CPQ: variants seen among roughly 807,000 people sequenced by gnomAD.
The protein encoded by CPQ is Ser-Met dipeptidase.
A neutral mutation model predicts 45.7 loss-of-function variants in CPQ; 37 were observed. The observed-to-expected ratio is 0.81, with a 90% CI of 0.62 to 1.07. The LOEUF (loss-of-function observed/expected upper bound fraction) is 1.07, where lower values mean the gene tolerates loss of function less well. Among genes scored for constraint, CPQ ranks in the 50% least tolerant of loss-of-function variants. The pLI is 0.00. For missense variants in CPQ, 537 were observed against 572.9 expected, an observed-to-expected ratio of 0.94 and a Z score of 0.64; for synonymous variants, 186 against 205.8, an observed-to-expected ratio of 0.90 and a Z score of 0.82.
intron 1 of CPQ, among the ~76,000 whole-genome samples, chr8:96,756,810 C>T (rs962407393): frequency 6.6e-6 from 1 of 152,168 alleles, no homozygotes; most frequent in South Asian, 2.1e-4. Context: ...AGGTCTGTTT[C>T]AAAGCTGTCA....
chr8:96,791,409 C>T (rs1348513996), intron 2 of CPQ, among the ~76,000 whole-genome samples: 3 of 152,042 alleles, frequency 2.0e-5, no homozygotes, highest in Non-Finnish European at 4.4e-5. Flanking sequence ...ATTCCCATTT[C>T]TTTCTCATTG....
At chr8:96,856,468 T>C (rs527589023) in intron 3 of CPQ, among the ~76,000 whole-genome samples, 2 of 152,258 alleles carry the variant, frequency 1.3e-5, no homozygotes, top group Non-Finnish European at 2.9e-5. Flanking sequence ...GAAATTATCT[T>C]GTTTATTTGT....
intron 7 of CPQ, among the ~76,000 whole-genome samples, chr8:97,081,701 G>A (rs980795034): frequency 1.3e-5 from 2 of 152,170 alleles, no homozygotes; most frequent in Admixed American, 6.6e-5. Flanking sequence ...TAGTGGCTGA[G>A]CACCCATGTT....
chr8:97,135,259 T>A (rs1329060611), intron 7 of CPQ, among the ~76,000 whole-genome samples: 1 of 152,200 alleles, frequency 6.6e-6, no homozygotes, highest in Non-Finnish European at 1.5e-5. Context: ...ATTGAGGATT[T>A]TTTTTGTTTT....
intron 1 of CPQ, among the ~76,000 whole-genome samples, chr8:96,727,381 A>G (rs1429603531): frequency 6.6e-6 from 1 of 152,264 alleles, no homozygotes; most frequent in East Asian, 1.9e-4. Context: ...TCAATCATCT[A>G]CTTTCACCTT....
chr8:96,715,821 T>A (rs1809666573), intron 1 of CPQ, among the ~76,000 whole-genome samples: 1 of 152,140 alleles, frequency 6.6e-6, no homozygotes, highest in Admixed American at 6.5e-5. Context: ...GAGGGCCAGA[T>A]TACTGTGAAT....
chr8:96,654,499 T>C (rs1418138846), intron 1 of CPQ, among the ~76,000 whole-genome samples: 1 of 152,158 alleles, frequency 6.6e-6, no homozygotes, highest in Non-Finnish European at 1.5e-5. Context: ...ATCCTTTCCA[T>C]AGAGTACTGT....
chr8:97,028,160 A>T (rs1809833500), intron 5 of CPQ, among the ~76,000 whole-genome samples: 1 of 152,260 alleles, frequency 6.6e-6, no homozygotes, highest in Non-Finnish European at 1.5e-5. Flanking sequence ...TTTTTAAGTT[A>T]TGTTAACATG....
intron 6 of CPQ, among the ~76,000 whole-genome samples, chr8:97,032,581 T>G (rs1430759437): frequency 1.3e-5 from 2 of 152,192 alleles, no homozygotes; most frequent in Non-Finnish European, 2.9e-5. Context: ...CTCTAGGGTC[T>G]TCCTTTCACT....
intron 4 of CPQ, among the ~76,000 whole-genome samples, chr8:96,880,572 TATATAC>T (rs1812210376): frequency 3.0e-5 from 2 of 67,508 alleles, no homozygotes; most frequent in Non-Finnish European, 6.0e-5. Flanking sequence ...TATATATATA[TATATAC>T]CATGGAATAC....
intron 2 of CPQ, among the ~76,000 whole-genome samples, chr8:96,808,711 G>T (rs1263608877): frequency 4.6e-5 from 7 of 152,140 alleles, no homozygotes; most frequent in Admixed American, 2.6e-4. Context: ...GAAGTTCTAG[G>T]TAGGAGTCCT....
At chr8:96,838,607 C>A (rs1457578262) in intron 3 of CPQ, among the ~76,000 whole-genome samples, 1 of 151,836 alleles carries the variant, frequency 6.6e-6, no homozygotes, top group Non-Finnish European at 1.5e-5. Context: ...CAGTCTGCCC[C>A]AATTGCCTGT....
At chr8:96,663,024 A>G (rs1324830848) in intron 1 of CPQ, among the ~76,000 whole-genome samples, 5 of 152,214 alleles carry the variant, frequency 3.3e-5, no homozygotes, top group Non-Finnish European at 7.4e-5. Flanking sequence ...TAAACTTTCT[A>G]GAGAATGGGT....
intron 4 of CPQ, among the ~76,000 whole-genome samples, chr8:96,958,748 TG>T (rs1813400163): frequency 6.6e-6 from 1 of 152,100 alleles, no homozygotes; most frequent in Admixed American, 6.6e-5. Flanking sequence ...ATCTCCTTTT[TG>T]TGAGTCTAAT....
intron 5 of CPQ, among the ~76,000 whole-genome samples, chr8:96,969,855 A>G (rs1813632109): frequency 1.3e-5 from 2 of 152,218 alleles, no homozygotes; most frequent in Non-Finnish European, 2.9e-5. Context: ...TAAAAAGAAA[A>G]GAAAGAGTTT....
intron 7 of CPQ, among the ~76,000 whole-genome samples, chr8:97,123,772 A>T (rs560579949): frequency 1.3e-5 from 2 of 152,178 alleles, no homozygotes; most frequent in Admixed American, 6.5e-5. Context: ...TTACAAAAAA[A>T]ATATTTTAAA....
chr8:96,650,797 A>G (rs1223605388), intron 1 of CPQ, among the ~76,000 whole-genome samples: 2 of 152,248 alleles, frequency 1.3e-5, no homozygotes, highest in Non-Finnish European at 2.9e-5. Flanking sequence ...AGGGATGTTC[A>G]TGAAGAGTTG....
chr8:96,673,137 T>G (rs537183346), intron 1 of CPQ, among the ~76,000 whole-genome samples: 1 of 152,226 alleles, frequency 6.6e-6, no homozygotes, highest in South Asian at 2.1e-4. Flanking sequence ...GTCATCCAGG[T>G]TCTTGGCAGT....
At chr8:96,858,026 C>T (rs963511035) in intron 3 of CPQ, among the ~76,000 whole-genome samples, 2 of 152,116 alleles carry the variant, frequency 1.3e-5, no homozygotes, top group Non-Finnish European at 2.9e-5. Flanking sequence ...GGAGCACCTA[C>T]CATGTATGGC....
Sources: allele counts gnomAD v4.1 joint callset (sites outside exome capture counted in the v4.1 genomes callset), GRCh38; gene constraint gnomAD v4.1.1; transcripts MANE v1.5; gene names NCBI Gene and HGNC (gene_info 2026-07-23, HGNC 2026-07-21).